The following FHIT variants were observed in gnomAD, a reference collection of about 807,000 sequenced individuals.
The protein encoded by FHIT is bis(5'-adenosyl)-triphosphatase.
Under a neutral mutation model 17.9 loss-of-function variants are expected in FHIT, and 19 were observed. The ratio of observed to expected loss-of-function variants is 1.06; its 90% CI spans 0.74 to 1.56. FHIT has a LOEUF of 1.56. Ranked by LOEUF, FHIT falls within the 40% of genes most tolerant of loss-of-function variation. The pLI is 0.00. For synonymous variants in FHIT, 81 were observed against 69.7 expected, an observed-to-expected ratio of 1.16 and a Z score of -0.81; for missense variants, 248 against 189.2, an observed-to-expected ratio of 1.31 and a Z score of -1.82.
At chr3:60,569,238 T>C (rs2037250156) in intron 4 of FHIT, among the ~76,000 whole-genome samples, 1 of 152,138 alleles carries the variant, frequency 6.6e-6, no homozygotes, top group Non-Finnish European at 1.5e-5. Flanking sequence ...ACAGTTGGTT[T>C]TGAATTTATA....
chr3:61,234,889 G>A (rs1403730031), intron 1 of FHIT, among the ~76,000 whole-genome samples: 1 of 152,122 alleles, frequency 6.6e-6, no homozygotes, highest in African/African-American at 2.4e-5. Flanking sequence ...TACAGAAAAT[G>A]ATAAAGAAAT....
At chr3:59,942,389 A>G (rs1307442809) in intron 7 of FHIT, among the ~76,000 whole-genome samples, 1 of 152,162 alleles carries the variant, frequency 6.6e-6, no homozygotes, top group South Asian at 2.1e-4. Context: ...GCTTGAGCGC[A>G]GGTCTCATTT....
intron 5 of FHIT, among the ~76,000 whole-genome samples, chr3:60,137,802 T>C (rs1278015913): frequency 6.6e-6 from 1 of 152,180 alleles, no homozygotes; most frequent in African/African-American, 2.4e-5. Flanking sequence ...TCAATAAGTA[T>C]ATGATAAAAA....
chr3:60,999,288 C>A (rs2030897250), intron 3 of FHIT, among the ~76,000 whole-genome samples: 1 of 152,036 alleles, frequency 6.6e-6, no homozygotes, highest in African/African-American at 2.4e-5. Context: ...AGTAAACTTT[C>A]TGAAACAATA....
chr3:59,847,193 C>G (rs571943285), intron 8 of FHIT, among the ~76,000 whole-genome samples: 69 of 152,146 alleles, frequency 4.5e-4, no homozygotes, highest in Non-Finnish European at 2.6e-4. Context: ...CCCTCTTTTC[C>G]TTCTGGGGCT....
At chr3:61,065,242 G>C (rs1174819193) in intron 2 of FHIT, among the ~76,000 whole-genome samples, 1 of 149,314 alleles carries the variant, frequency 6.7e-6, no homozygotes, top group Non-Finnish European at 1.5e-5. Flanking sequence ...ATGTCTCAAG[G>C]GGCTTCTATC....
At chr3:60,878,193 GT>G (rs1704760763) in intron 3 of FHIT, among the ~76,000 whole-genome samples, 1 of 152,050 alleles carries the variant, frequency 6.6e-6, no homozygotes, top group Non-Finnish European at 1.5e-5. Context: ...CTGCCTAACA[GT>G]CATAGATTCT....
intron 4 of FHIT, among the ~76,000 whole-genome samples, chr3:60,550,739 A>G (rs1576859053): frequency 6.6e-6 from 1 of 152,056 alleles, no homozygotes; most frequent in Non-Finnish European, 1.5e-5. Flanking sequence ...TCAAACTCTA[A>G]TCACCTATTC....
chr3:60,030,070 T>G (rs775210312), intron 5 of FHIT, among the ~76,000 whole-genome samples: 13 of 152,128 alleles, frequency 8.5e-5, no homozygotes, highest in Non-Finnish European at 1.9e-4. Flanking sequence ...GTGACTCCAT[T>G]TGATTCTGAC....
At chr3:60,957,233 CTTTTTTTTT>C (rs35221092) in intron 3 of FHIT, among the ~76,000 whole-genome samples, 2 of 97,140 alleles carry the variant, frequency 2.1e-5, no homozygotes, top group African/African-American at 4.0e-5. Flanking sequence ...TTCTTTCTTT[CTTTTTTTTT>C]TTTTTTTTTT....
chr3:60,059,239 G>C (rs1326869431), intron 5 of FHIT, among the ~76,000 whole-genome samples: 7 of 152,216 alleles, frequency 4.6e-5, no homozygotes, highest in Non-Finnish European at 8.8e-5. Flanking sequence ...AGTTGGGCGA[G>C]TGAGCACAAG....
chr3:60,496,734 A>C (rs1384185588), intron 5 of FHIT, among the ~76,000 whole-genome samples: 1 of 152,168 alleles, frequency 6.6e-6, no homozygotes. Context: ...AACAACCTTT[A>C]AAAAGGAATA....
intron 2 of FHIT, among the ~76,000 whole-genome samples, chr3:61,160,682 C>T (rs1181800189): frequency 6.6e-6 from 1 of 152,190 alleles, no homozygotes; most frequent in Non-Finnish European, 1.5e-5. Context: ...TTTAAAGTTA[C>T]ACTGTGGCTT....
chr3:61,008,708 T>C (rs1365447043), intron 3 of FHIT, among the ~76,000 whole-genome samples: 1 of 152,094 alleles, frequency 6.6e-6, no homozygotes, highest in African/African-American at 2.4e-5. Context: ...GGGAGGGACA[T>C]TATCTTTTCT....
chr3:60,547,934 A>C (rs563678245), intron 4 of FHIT, among the ~76,000 whole-genome samples: 1 of 152,132 alleles, frequency 6.6e-6, no homozygotes, highest in Non-Finnish European at 1.5e-5. Flanking sequence ...ACTTCAGGGT[A>C]GGGCAGATTC....
intron 4 of FHIT, among the ~76,000 whole-genome samples, chr3:60,678,511 A>G (rs943988397): frequency 6.6e-6 from 1 of 152,122 alleles, no homozygotes; most frequent in African/African-American, 2.4e-5. Flanking sequence ...AGTAAATATC[A>G]CCCCTACAAT....
chr3:60,324,693 A>C (rs75668884), intron 5 of FHIT, among the ~76,000 whole-genome samples: 378 of 152,326 alleles, frequency 2.5e-3, no homozygotes, highest in African/African-American at 8.8e-3. Context: ...GAAAAAGAAC[A>C]AATGCGTCCA....
At chr3:61,004,761 A>G (rs954079879) in intron 3 of FHIT, among the ~76,000 whole-genome samples, 5 of 152,178 alleles carry the variant, frequency 3.3e-5, no homozygotes, top group Non-Finnish European at 7.3e-5. Context: ...CATACAGGTC[A>G]GCAGGTGGAA....
chr3:60,551,195 G>A (rs942183053), intron 4 of FHIT, among the ~76,000 whole-genome samples: 1 of 151,862 alleles, frequency 6.6e-6, no homozygotes, highest in Non-Finnish European at 1.5e-5. Context: ...GGGTTTGAAA[G>A]ATGAGCAGGG....
Sources: allele counts gnomAD v4.1 joint callset (sites outside exome capture counted in the v4.1 genomes callset), GRCh38; gene constraint gnomAD v4.1.1; transcripts MANE v1.5; gene names NCBI Gene and HGNC (gene_info 2026-07-23, HGNC 2026-07-21).